CSAD: variants seen among roughly 807,000 people sequenced by gnomAD.
CSAD encodes P-selectin cytoplasmic tail-associated protein.
Under a neutral mutation model 61.5 loss-of-function variants are expected in CSAD, and 47 were observed. The observed-to-expected ratio is 0.76, with a 90% CI of 0.60 to 0.97. The LOEUF (loss-of-function observed/expected upper bound fraction) is 0.97, where lower values mean the gene tolerates loss of function less well. CSAD is among the 50% of genes least tolerant of loss of function. The probability of loss-of-function intolerance (pLI) is 0.00; values close to 1 mark genes in which losing one functional copy is unlikely to be tolerated. For missense variants in CSAD, 611 were observed against 643.6 expected (o/e 0.95, Z 0.55); for synonymous variants, 245 against 252.7 (o/e 0.97, Z 0.29).
Position 53,173,390 on chromosome 12 carries a change from A to C in CSAD, c.81T>G (p.Val27=), listed in dbSNP as rs748230148. Residue 27 remains valine (V), a synonymous_variant, in exon 4 of 17, where the codon GTT becomes GTG. Transcript: ENST00000444623. Reference sequence around the variant, plus strand: ...CTTTCTGAATGGCCTCATCCACAACAACCCCAAACACGGCCCGGAGCAAGG... The same window carrying C: ...CTTTCTGAATGGCCTCATCCACAACCACCCCAAACACGGCCCGGAGCAAGG... ...VEALLRAVFG[V]VVDEAIQKGT... 6.2e-7 allele frequency: 1 copy of C among 1,614,242 alleles called. No individual in the cohort carries two copies. The highest frequency in any genetic ancestry group is 1.7e-5 in the Admixed American group (1 of 60,022).
chr12:53,159,133 G>T (rs772758133), intron 16 of CSAD, among the ~76,000 whole-genome samples: 1 of 152,132 alleles, frequency 6.6e-6, no homozygotes, highest in Non-Finnish European at 1.5e-5. Context: ...TTCCAAGTAG[G>T]TAACTCTTGC....
rs540475159 is a variant in CSAD, at chr12:53,165,662, CAAA to C, written c.703-4276_703-4274del. ...TGGGTGACAGAGCAAGACTCCATCT[CAAA>C]AAAAAAAAAAAAAAAAGAAGAAGAA... is the stretch of plus-strand genomic sequence containing the variant. On this transcript the variant is annotated intron_variant, in intron 10 of 16. Transcript: ENST00000444623. Among the ~76,000 whole-genome samples, 14 of 46,986 alleles carry C rather than the reference CAAA, an allele frequency of 3.0e-4. No homozygotes were observed. The South Asian group carries it at 4.4e-3, about 15-fold the overall frequency. 30.8% of individuals were successfully genotyped at this position (46,986 alleles called of 152,430 possible).
chr12:53,162,104 T>C (rs956690889), intron 10 of CSAD, among the ~76,000 whole-genome samples: 2 of 148,528 alleles, frequency 1.3e-5, no homozygotes, highest in Non-Finnish European at 3.0e-5. Flanking sequence ...TATTAAAAAA[T>C]ACAGAAATTA....
At chr12:53,172,087 G>A in intron 6 of CSAD, 99 bp from the exon 7 acceptor site, 1 of 852,222 alleles carries the variant, frequency 1.2e-6, no homozygotes, top group South Asian at 1.6e-5. Context: ...GCAGTGAAGA[G>A]TGAGCAAAGC....
At position 53,160,109 on chromosome 12, in the gene CSAD, C is replaced by T; in HGVS notation, c.1166+11G>A. The T allele has an allele frequency of 6.2e-7, 1 of 1,612,478 alleles. No individual in the cohort carries two copies. On this transcript the variant is annotated intron_variant, in intron 14 of 16. Transcript: ENST00000444623. ...GGGAACAGGGACGACCCCCCACCTC[C>T]TCCCGCCTACCGGGCAAGGACAAAG...
intron 10 of CSAD, among the ~76,000 whole-genome samples, chr12:53,163,042 C>T (rs1231842948): frequency 6.9e-6 from 1 of 144,946 alleles, no homozygotes; most frequent in African/African-American, 2.6e-5. Context: ...GCCTGGGCAA[C>T]AAGAGCAAAA....
chr12:53,159,590 T>C, intron 16 of CSAD, 33 bp downstream of exon 16: 2 of 1,582,350 alleles, frequency 1.3e-6, no homozygotes, highest in African/African-American at 1.3e-5. Context: ...ATCAGCTCCC[T>C]AACGGGTAAA....
chr12:53,180,097 A>T, intron 1 of CSAD: 1 of 1,369,928 alleles, frequency 7.3e-7, no homozygotes, highest in Non-Finnish European at 9.4e-7. Context: ...TGACTTCTGC[A>T]GGGAGGTGAG....
rs529000466 is a variant in CSAD at position 53,172,090 on chromosome 12, A to G, written c.345-102T>C. 9.6e-5 allele frequency: 80 copies of G among 834,204 alleles called. 1 individual carries two copies. In the South Asian group the frequency reaches 1.2e-3, roughly 12 times the overall value. 51.7% of individuals were successfully genotyped at this position (834,204 alleles called of 1,614,324 possible). ...CACAAAAAGGAGGCAGTGAAGAGTG[A>G]GCAAAGCAACAGTCCAAGGAGAAGA... On this transcript the variant is annotated intron_variant, in intron 6 of 16. Transcript: ENST00000444623.
At chr12:53,175,110 G>C (rs973549804) in intron 2 of CSAD, among the ~76,000 whole-genome samples, 16 of 152,206 alleles carry the variant, frequency 1.1e-4, no homozygotes, top group African/African-American at 3.6e-4. Flanking sequence ...CAGCTAACAG[G>C]CTGGCAAGAG....
At chr12:53,172,771 G>A in intron 4 of CSAD, 123 bp from the exon 5 acceptor site, 1 of 1,117,876 alleles carries the variant, frequency 8.9e-7, no homozygotes, top group South Asian at 1.6e-5. Flanking sequence ...TATTTCCAAA[G>A]CAAAACTCTG....
At chr12:53,164,917 G>C (rs1939716840) in intron 10 of CSAD, among the ~76,000 whole-genome samples, 2 of 152,058 alleles carry the variant, frequency 1.3e-5, no homozygotes, top group African/African-American at 4.8e-5. Context: ...TAAATAAATT[G>C]CTAATAAGCA....
At chr12:53,165,411 A>C (rs1481393733) in intron 10 of CSAD, among the ~76,000 whole-genome samples, 1 of 151,686 alleles carries the variant, frequency 6.6e-6, no homozygotes, top group African/African-American at 2.4e-5. Flanking sequence ...CTGTGATCCC[A>C]GCACTTTGGG....
chr12:53,166,851 G>C (rs895347757), intron 10 of CSAD, among the ~76,000 whole-genome samples: 1 of 152,062 alleles, frequency 6.6e-6, no homozygotes, highest in Non-Finnish European at 1.5e-5. Flanking sequence ...TCTGGAGACT[G>C]GTTGCAAAAC....
In CSAD at chr12:53,161,130, T is replaced by C; in HGVS notation, c.881A>G (p.Gln294Arg). 1 of 1,614,024 alleles carries C rather than the reference T, an allele frequency of 6.2e-7. No individual in the cohort carries two copies. Among genetic ancestry groups the C allele is most frequent in the Non-Finnish European group, 8.5e-7 (1 of 1,179,900 alleles). The change falls in exon 12 of 17, where the codon CAG becomes CGG. Residue 294 changes from glutamine (Q) to arginine (R), a missense_variant. Coordinates refer to ENST00000444623, the MANE Select transcript of CSAD (RefSeq NM_001244705.2). ...QTHRHLLDGI[Q>R]RADSVAWNPH... Reference sequence around the variant, plus strand: ...GGAAGAAGGGGACTGTATGCACCTCTGGATCCCATCCAGGAGATGCCTGTG... The same window carrying C: ...GGAAGAAGGGGACTGTATGCACCTCCGGATCCCATCCAGGAGATGCCTGTG...
At chr12:53,160,070 T>C (rs1272531263) in intron 14 of CSAD, 50 bp downstream of exon 14, 2 of 1,607,530 alleles carry the variant, frequency 1.2e-6, no homozygotes, top group African/African-American at 2.7e-5. Context: ...GGGAGGGGCA[T>C]GGACCCAGGA....
Position 53,173,388 on chromosome 12 carries a change from A to G in CSAD, c.83T>C (p.Val28Ala), listed in dbSNP as rs1940827715. 4.3e-6 allele frequency: 7 copies of G among 1,614,144 alleles called. No homozygotes were observed. In the South Asian group the frequency reaches 5.5e-5, roughly 13 times the overall value. The change falls in exon 4 of 17, where the codon GTT becomes GCT. Residue 28 changes from valine (V) to alanine (A), a missense_variant. By Grantham distance (64) the Val-to-Ala change is moderately conservative. Transcript: ENST00000444623. ...EALLRAVFGV[V>A]VDEAIQKGTS... is the part of the protein sequence containing the mutation. ...TCCTTTCTGAATGGCCTCATCCACA[A>G]CAACCCCAAACACGGCCCGGAGCAA...
intron 10 of CSAD, among the ~76,000 whole-genome samples, chr12:53,169,162 A>C (rs1592333469): frequency 1.3e-5 from 2 of 150,346 alleles, no homozygotes; most frequent in East Asian, 4.0e-4. Flanking sequence ...CCTGGGTGAC[A>C]CAACGAGACT....
At chr12:53,176,110 G>C (rs139027814) in intron 2 of CSAD, among the ~76,000 whole-genome samples, 3 of 152,220 alleles carry the variant, frequency 2.0e-5, no homozygotes, top group South Asian at 4.1e-4. Context: ...TACAAGAAGG[G>C]GGGGTGAGGG....
Sources: gnomAD v4.1 joint callset for allele counts (sites outside exome capture counted in the v4.1 genomes callset) on GRCh38, gnomAD v4.1.1 for gene constraint, MANE v1.5 for transcripts, NCBI Gene and HGNC (gene_info 2026-07-23, HGNC 2026-07-21) for gene names.